Variants in OLFML1 observed in about 807,000 individuals in gnomAD.
The protein encoded by OLFML1 is olfactomedin like 1.
In OLFML1, 33 loss-of-function variants were observed where a neutral mutation model predicts 37.3. The observed-to-expected ratio is 0.88, with a 90% CI of 0.67 to 1.18. The LOEUF (loss-of-function observed/expected upper bound fraction) is 1.18. OLFML1 is among the 50% of genes most tolerant of loss of function. OLFML1 has a pLI of 0.00. For synonymous variants in OLFML1, 186 were observed against 181.3 expected (o/e 1.03, Z -0.21); for missense variants, 545 against 483.7 (o/e 1.13, Z -1.19).
At chr11:7,505,737 G>T (rs1018137499) in intron 2 of OLFML1, among the ~76,000 whole-genome samples, 1 of 152,124 alleles carries the variant, frequency 6.6e-6, no homozygotes, top group Admixed American at 6.6e-5. Flanking sequence ...AGGAGAAGGT[G>T]GGGGGATTGC....
intron 2 of OLFML1, among the ~76,000 whole-genome samples, chr11:7,495,534 C>T (rs1240425017): frequency 2.0e-5 from 3 of 152,054 alleles, no homozygotes; most frequent in Non-Finnish European, 2.9e-5. Context: ...TTTGAGTATC[C>T]CTCAGCATCT....
chr11:7,508,509 T>C (rs2134188882), intron 2 of OLFML1, among the ~76,000 whole-genome samples: 1 of 152,334 alleles, frequency 6.6e-6, no homozygotes, highest in Middle Eastern at 3.4e-3. Context: ...TCAAAGGACA[T>C]TTCCTTTCCC....
In OLFML1 at chr11:7,496,925, T is replaced by G. The variant is rs570403672; in HGVS notation, c.418+8510T>G. Reference sequence around the variant, plus strand: ...AAAAAATTATCTGGGCATGGTGGCATGTGCCTGTAGTCCCAGCTACACTGT... The same window carrying G: ...AAAAAATTATCTGGGCATGGTGGCAGGTGCCTGTAGTCCCAGCTACACTGT... On this transcript the variant is annotated intron_variant, in intron 2 of 2. Coordinates refer to ENST00000329293, the MANE Select transcript of OLFML1 (RefSeq NM_198474.4). 4.6e-5 allele frequency among the ~76,000 whole-genome samples: 7 copies of G among 152,272 alleles called. No homozygotes were observed. In the East Asian group the frequency reaches 1.4e-3, roughly 29 times the overall value.
Position 7,502,127 on chromosome 11 carries a change from G to A in OLFML1, c.419-7271G>A, listed in dbSNP as rs1396171218. On this transcript the variant is annotated intron_variant, in intron 2 of 2. Coordinates refer to ENST00000329293, the MANE Select transcript of OLFML1 (RefSeq NM_198474.4). ...AAAGTGAGACTTGAAGGCTAAATAG[G>A]AGCTAACTGTGGGAAGATCAAGAAA... Among the ~76,000 whole-genome samples, 5 of 152,206 alleles carry A rather than the reference G, an allele frequency of 3.3e-5. No homozygotes were observed. The East Asian group carries it at 9.6e-4, about 29-fold the overall frequency.
rs77511870 is a variant in OLFML1, at chr11:7,485,769, G to A, written c.-107G>A. On this transcript the variant is annotated 5_prime_UTR_variant, in exon 1 of 3. Coordinates refer to ENST00000329293, the MANE Select transcript of OLFML1 (RefSeq NM_198474.4). Reference sequence around the variant, plus strand: ...TGCTGTGCAAAACGCTGTTTTTAGAGGATTTGCCACAGCAGCGGATAGAGC... The same window carrying A: ...TGCTGTGCAAAACGCTGTTTTTAGAAGATTTGCCACAGCAGCGGATAGAGC... 7.7e-3 allele frequency: 9,211 copies of A among 1,191,012 alleles called. 510 individuals are homozygous for A. In the African/African-American group the frequency reaches 0.12, roughly 16 times the overall value. The allele number at this position is 1,191,012 out of a possible 1,614,324, so 73.8% of individuals were successfully genotyped here. A position where few individuals can be genotyped will look rare whatever the true frequency, so the allele number is the denominator to read the frequency against.
chr11:7,491,752 C>T (rs1564919764), intron 2 of OLFML1, among the ~76,000 whole-genome samples: 1 of 152,166 alleles, frequency 6.6e-6, no homozygotes, highest in African/African-American at 2.4e-5. Flanking sequence ...GTCAGGAGTC[C>T]ATGCATGGCT....
At chr11:7,489,922 T>C (rs1471821712) in intron 2 of OLFML1, among the ~76,000 whole-genome samples, 2 of 152,116 alleles carry the variant, frequency 1.3e-5, no homozygotes, top group Non-Finnish European at 2.9e-5. Context: ...GTTCATTTAT[T>C]GGCTCATAGG....
At chr11:7,499,886 G>A (rs749670245) in intron 2 of OLFML1, among the ~76,000 whole-genome samples, 5 of 152,088 alleles carry the variant, frequency 3.3e-5, no homozygotes, top group Non-Finnish European at 7.4e-5. Context: ...GTTTTGTTTT[G>A]CTTTGTTGTT....
chr11:7,492,375 G>A (rs1848609383), intron 2 of OLFML1, among the ~76,000 whole-genome samples: 1 of 152,182 alleles, frequency 6.6e-6, no homozygotes, highest in South Asian at 2.1e-4. Flanking sequence ...TCAGATCAGA[G>A]GGTTTCATTC....
chr11:7,495,791 G>C (rs993340516), intron 2 of OLFML1, among the ~76,000 whole-genome samples: 15 of 152,112 alleles, frequency 9.9e-5, no homozygotes, highest in African/African-American at 3.4e-4. Flanking sequence ...AACAAGCTAG[G>C]TCGACACTAT....
intron 2 of OLFML1, among the ~76,000 whole-genome samples, chr11:7,489,680 G>C (rs776638329): frequency 6.6e-6 from 1 of 152,158 alleles, no homozygotes; most frequent in African/African-American, 2.4e-5. Flanking sequence ...ATGGGACAGA[G>C]AACAGGTGGA....
intron 2 of OLFML1, among the ~76,000 whole-genome samples, chr11:7,500,097 T>C (rs1848703337): frequency 6.6e-6 from 1 of 152,154 alleles, no homozygotes; most frequent in Admixed American, 6.5e-5. Flanking sequence ...CTCACTATGT[T>C]GCGCACATTG....
Position 7,510,307 on chromosome 11 carries a change from A to T in OLFML1, c.*119A>T. 1.2e-6 allele frequency: 1 copy of T among 805,986 alleles called. No individual in the cohort carries two copies. The highest frequency in any genetic ancestry group is 1.9e-5 in the South Asian group (1 of 53,258). 49.9% of individuals were successfully genotyped at this position (805,986 alleles called of 1,614,324 possible). A position where few individuals can be genotyped will look rare whatever the true frequency, so the allele number is the denominator to read the frequency against. On this transcript the variant is annotated 3_prime_UTR_variant, in exon 3 of 3. Coordinates refer to ENST00000329293, the MANE Select transcript of OLFML1 (RefSeq NM_198474.4). The stretch of plus-strand genomic sequence containing the variant: ...ATCACACACAGGAAGAGTGTGTAGA[A>T]GTGGAAATACGTATGCCTCCTTTCC...
chr11:7,492,596 A>G (rs1226182482), intron 2 of OLFML1, among the ~76,000 whole-genome samples: 5 of 152,206 alleles, frequency 3.3e-5, no homozygotes, highest in Admixed American at 1.3e-4. Flanking sequence ...TAACTAAGCC[A>G]TTCCCTAGAG....
intron 1 of OLFML1, among the ~76,000 whole-genome samples, chr11:7,486,360 T>C (rs888861895): frequency 3.3e-5 from 5 of 152,256 alleles, no homozygotes; most frequent in African/African-American, 1.2e-4. Flanking sequence ...TTATTCACCA[T>C]AGTTCATTTT....
At chr11:7,487,112 C>G (rs1256114960) in intron 1 of OLFML1, among the ~76,000 whole-genome samples, 1 of 152,196 alleles carries the variant, frequency 6.6e-6, no homozygotes, top group East Asian at 1.9e-4. Context: ...ACCTTAAGAA[C>G]TTGTCAAGGG....
intron 2 of OLFML1, among the ~76,000 whole-genome samples, chr11:7,495,745 T>G (rs562132353): frequency 1.3e-5 from 2 of 152,318 alleles, no homozygotes; most frequent in Non-Finnish European, 2.9e-5. Flanking sequence ...CATTCAGCCC[T>G]TAAATCTGAT....
At chr11:7,499,559 T>A (rs1284940818) in intron 2 of OLFML1, among the ~76,000 whole-genome samples, 1 of 152,184 alleles carries the variant, frequency 6.6e-6, no homozygotes, top group Non-Finnish European at 1.5e-5. Context: ...GTTTTACAGC[T>A]GGGAAAAACA....
chr11:7,497,054 G>A (rs146490588), intron 2 of OLFML1, among the ~76,000 whole-genome samples: 102 of 152,248 alleles, frequency 6.7e-4, no homozygotes, highest in African/African-American at 2.3e-3. Flanking sequence ...CCCAGAGGAT[G>A]GCCCATTTTC....
Sources: gnomAD v4.1 joint callset for allele counts (sites outside exome capture counted in the v4.1 genomes callset) on GRCh38, gnomAD v4.1.1 for gene constraint, MANE v1.5 for transcripts, NCBI Gene and HGNC (gene_info 2026-07-23, HGNC 2026-07-21) for gene names.